SPATA13: variants seen among roughly 807,000 people sequenced by gnomAD.
SPATA13 encodes spermatogenesis-associated protein 13.
Under a neutral mutation model 104.0 loss-of-function variants are expected in SPATA13, and 50 were observed. The observed-to-expected ratio is 0.48, with a 90% CI of 0.38 to 0.61. SPATA13 has a LOEUF of 0.61. Among genes scored for constraint, SPATA13 ranks in the 20% least tolerant of loss-of-function variants. The pLI is 0.00. For missense variants in SPATA13, 1,524 were observed against 1,690.6 expected, an observed-to-expected ratio of 0.90 and a Z score of 1.73; for synonymous variants, 606 against 667.5, an observed-to-expected ratio of 0.91 and a Z score of 1.42.
chr13:24,222,916 C>T lies in SPATA13; in HGVS notation c.-14C>T. ...CTGGAGCTGCGGTCTGCGGACTCGG[C>T]AGTGCCCGTGGCCATGACCCAGGCT... On this transcript the variant is annotated 5_prime_UTR_variant, in exon 2 of 13. It introduces an in-frame stop codon into an upstream open reading frame of the 5' UTR. Transcript: ENST00000382108. 6.4e-7 allele frequency: 1 copy of T among 1,550,580 alleles called. No individual in the cohort carries two copies. Among genetic ancestry groups the T allele is most frequent in the Non-Finnish European group, 8.7e-7 (1 of 1,146,400 alleles).
chr13:24,289,749 A>G (rs1876204029), intron 8 of SPATA13, among the ~76,000 whole-genome samples: 1 of 152,172 alleles, frequency 6.6e-6, no homozygotes, highest in South Asian at 2.1e-4. Flanking sequence ...TGCATTTATC[A>G]TTTTTTAACT....
intron 4 of SPATA13, among the ~76,000 whole-genome samples, chr13:24,278,119 C>G (rs573277551): frequency 1.3e-5 from 2 of 152,148 alleles, no homozygotes; most frequent in Non-Finnish European, 2.9e-5. Context: ...GCAGGACATA[C>G]GGCTGCTCTC....
intron 4 of SPATA13, among the ~76,000 whole-genome samples, chr13:24,256,175 A>G (rs1223446408): frequency 6.6e-6 from 1 of 152,196 alleles, no homozygotes; most frequent in African/African-American, 2.4e-5. Context: ...AATAATAATG[A>G]AAGTATATTT....
intron 11 of SPATA13, among the ~76,000 whole-genome samples, chr13:24,299,760 G>A (rs971458155): frequency 1.7e-4 from 26 of 152,172 alleles, no homozygotes; most frequent in Non-Finnish European, 3.4e-4. Context: ...CCCAGCCCTG[G>A]CCATTCAGCT....
intron 3 of SPATA13, among the ~76,000 whole-genome samples, chr13:24,148,886 G>T (rs1882013922): frequency 6.6e-6 from 1 of 151,876 alleles, no homozygotes; most frequent in African/African-American, 2.4e-5. Context: ...TGGTAGAGCG[G>T]CTTGTTTATT....
At chr13:24,099,588 C>T (rs1002602284) in intron 3 of SPATA13, among the ~76,000 whole-genome samples, 1 of 152,212 alleles carries the variant, frequency 6.6e-6, no homozygotes, top group Non-Finnish European at 1.5e-5. Context: ...GGGAAACAGA[C>T]AGGTGTCCCG....
intron 2 of SPATA13, among the ~76,000 whole-genome samples, chr13:23,993,464 G>C (rs140815722): frequency 6.6e-6 from 1 of 152,162 alleles, no homozygotes; most frequent in Non-Finnish European, 1.5e-5. Flanking sequence ...CGGCAATAAG[G>C]CTTCTCTGCA....
chr13:24,100,572 G>A (rs1880228209), intron 3 of SPATA13, among the ~76,000 whole-genome samples: 1 of 152,118 alleles, frequency 6.6e-6, no homozygotes, highest in Non-Finnish European at 1.5e-5. Context: ...TGATTGATTT[G>A]ATTTGAGTCT....
At chr13:24,044,709 T>C (rs957524882) in intron 3 of SPATA13, among the ~76,000 whole-genome samples, 6 of 152,088 alleles carry the variant, frequency 3.9e-5, no homozygotes, top group Non-Finnish European at 8.8e-5. Flanking sequence ...TATTTTGAAA[T>C]ATACAGTACA....
At chr13:24,299,526 G>A (rs986899329) in intron 11 of SPATA13, among the ~76,000 whole-genome samples, 22 of 152,224 alleles carry the variant, frequency 1.4e-4, no homozygotes, top group Admixed American at 1.0e-3. Flanking sequence ...GGTGGCCAGC[G>A]TACAGAGCCT....
At chr13:24,239,062 A>T (rs1011304566) in intron 2 of SPATA13, among the ~76,000 whole-genome samples, 1 of 152,202 alleles carries the variant, frequency 6.6e-6, no homozygotes, top group Non-Finnish European at 1.5e-5. Flanking sequence ...AGCAGGTGTG[A>T]TACAATCATG....
chr13:24,286,378 C>T lies in SPATA13; in HGVS notation c.2466C>T (p.Pro822=), dbSNP rs752663602. 1.2e-5 allele frequency: 20 copies of T among 1,612,178 alleles called. No homozygotes were observed. Among genetic ancestry groups the T allele is most frequent in the South Asian group, 3.3e-5 (3 of 90,960 alleles). ...GTGAAGATAAGGAAGCCTGGTTCCC[C>T]GCGAGCTTCGTCAGAGTAAGTGTGG... ...GRSEDKEAWF[P]ASFVRLRVNQ... is the part of the protein sequence containing the mutation. The change falls in exon 6 of 13, where the codon CCC becomes CCT. Residue 822 remains proline, a synonymous_variant. Coordinates refer to ENST00000382108, the MANE Select transcript of SPATA13 (RefSeq NM_001166271.3). The surrounding 1 kb of genome is among the most constrained non-coding windows in gnomAD (Gnocchi z 4.9).
At chr13:24,184,480 G>A (rs1050772399) in intron 1 of SPATA13, among the ~76,000 whole-genome samples, 13 of 152,214 alleles carry the variant, frequency 8.5e-5, no homozygotes, top group African/African-American at 3.1e-4. Context: ...AGCGTACAAT[G>A]GAGCCAACCA....
chr13:24,294,721 T>C lies in SPATA13; in HGVS notation c.3081-18T>C. The stretch of plus-strand genomic sequence containing the variant: ...AAGGTGCATGTTATGTGATTAAAAT[T>C]AACCTCCCATCTTGCAGTGATTACA... On this transcript the variant is annotated intron_variant, in intron 9 of 12. Transcript: ENST00000382108. 1 of 1,570,156 alleles carries C rather than the reference T, an allele frequency of 6.4e-7. No homozygotes were observed. Among genetic ancestry groups the C allele is most frequent in the Admixed American group, 1.7e-5 (1 of 59,190 alleles).
chr13:24,254,534 G>T (rs1200237229), intron 4 of SPATA13: 1 of 152,380 alleles, frequency 6.6e-6, no homozygotes, highest in Non-Finnish European at 1.5e-5. Context: ...TTCTGGGCCT[G>T]GATGGCGTGT....
chr13:24,293,022 A>AAAAT lies in SPATA13; in HGVS notation c.3081-1717_3081-1716insAAAT, dbSNP rs35053977. Among the ~76,000 whole-genome samples, 228 of 134,912 alleles carry AAAAT rather than the reference A, an allele frequency of 1.7e-3. 18 individuals are homozygous for AAAAT. The highest frequency in any genetic ancestry group is 3.8e-3 in the Middle Eastern group (1 of 264). 88.5% of individuals were successfully genotyped at this position (134,912 alleles called of 152,430 possible). A position where few individuals can be genotyped will look rare whatever the true frequency, so the allele number is the denominator to read the frequency against. On this transcript the variant is annotated intron_variant, in intron 9 of 12. Transcript: ENST00000382108. ...AAAAAAAAAAAAAAAAAAAAAAAAA[A>AAAAT]GGCGAGGGTGTGGGGAGAGCCTTCT... is the stretch of plus-strand genomic sequence containing the variant.
At chr13:24,014,994 C>T (rs1355728522) in intron 2 of SPATA13, among the ~76,000 whole-genome samples, 1 of 148,628 alleles carries the variant, frequency 6.7e-6, no homozygotes, top group East Asian at 2.0e-4. Context: ...GGGTTGATGC[C>T]ATTCTCCTGC....
chr13:24,136,685 G>A (rs2138451053), intron 3 of SPATA13, among the ~76,000 whole-genome samples: 1 of 152,280 alleles, frequency 6.6e-6, no homozygotes, highest in South Asian at 2.1e-4. Flanking sequence ...TGGGCCTATT[G>A]GGCTCTGAGA....
chr13:24,206,283 GAC>G lies in SPATA13; in HGVS notation c.-111-16532_-111-16531del, dbSNP rs559587025. ...AAGGATATGAACAGACACTAAAGAAGACACATGTGGCCACAAAACATGAAAAA... is the reference window on the plus strand; with the variant it reads ...AAGGATATGAACAGACACTAAAGAAGACATGTGGCCACAAAACATGAAAAA... On this transcript the variant is annotated intron_variant, in intron 1 of 12. Transcript: ENST00000382108. 2.5e-3 allele frequency among the ~76,000 whole-genome samples: 69 copies of G among 27,498 alleles called. No individual in the cohort carries two copies. In the East Asian group the frequency reaches 0.5, roughly 199 times the overall value. 18.0% of individuals were successfully genotyped at this position (27,498 alleles called of 152,430 possible).
Sources: allele counts gnomAD v4.1 joint callset (sites outside exome capture counted in the v4.1 genomes callset), GRCh38; gene constraint gnomAD v4.1.1; non-coding constraint Gnocchi (gnomAD v3.1); transcripts MANE v1.5; gene names NCBI Gene and HGNC (gene_info 2026-07-23, HGNC 2026-07-21).